The following COMT variants were observed in gnomAD, a reference collection of about 807,000 sequenced individuals.
The protein encoded by COMT is catechol O-methyltransferase.
Under a neutral mutation model 18.9 loss-of-function variants are expected in COMT, and 13 were observed. The ratio of observed to expected loss-of-function variants is 0.69; its 90% CI spans 0.45 to 1.09. The LOEUF (loss-of-function observed/expected upper bound fraction) is 1.09. Among genes scored for constraint, COMT ranks in the 50% least tolerant of loss-of-function variants. The pLI, the probability that COMT is intolerant of heterozygous loss-of-function variation, is 0.00. For synonymous variants in COMT, 150 were observed against 160.9 expected, an observed-to-expected ratio of 0.93 and a Z score of 0.51; for missense variants, 329 against 361.8, an observed-to-expected ratio of 0.91 and a Z score of 0.73.
chr22:19,952,433 A>G (rs568938820), intron 1 of COMT, among the ~76,000 whole-genome samples: 69 of 151,164 alleles, frequency 4.6e-4, no homozygotes, highest in Non-Finnish European at 7.7e-4. Context: ...AGGTCAGGAG[A>G]TCGAGACCAT....
chr22:19,964,640 G>A, intron 5 of COMT: 1 of 593,232 alleles, frequency 1.7e-6, no homozygotes, highest in Non-Finnish European at 3.0e-6. Context: ...GGGTGGGGAA[G>A]GGCCGCTCTG....
chr22:19,945,688 CAG>C (rs1293871400), intron 1 of COMT, among the ~76,000 whole-genome samples: 1 of 151,928 alleles, frequency 6.6e-6, no homozygotes, highest in East Asian at 1.9e-4. Flanking sequence ...TTTTTTGAGG[CAG>C]AGTCTCACTC....
chr22:19,966,176 T>G (rs886869117), intron 5 of COMT, among the ~76,000 whole-genome samples: 1 of 152,126 alleles, frequency 6.6e-6, no homozygotes, highest in African/African-American at 2.4e-5. Context: ...TGGGAATGGG[T>G]GTCCTTGTTA....
rs4986871 is a variant in COMT, at chr22:19,963,713, C to G, written c.437C>G (p.Ala146Gly). 1.2e-6 allele frequency: 2 copies of G among 1,612,860 alleles called. No homozygotes were observed. Among genetic ancestry groups the G allele is most frequent in the East Asian group, 4.5e-5 (2 of 44,884 alleles). ...ACCATCGAGATCAACCCCGACTGTG[C>G]CGCCATCACCCAGCGGATGGTGGAT... ...LITIEINPDC[A>G]AITQRMVDFA... The change falls in exon 4 of 6, where the codon GCC becomes GGC. Residue 146 changes from alanine (A) to glycine (G), a missense_variant. Ala to Gly is a moderately conservative substitution (Grantham distance 60, BLOSUM62 0). Transcript: ENST00000361682.
intron 5 of COMT, chr22:19,964,590 C>A (rs1446358560): frequency 3.3e-6 from 2 of 610,722 alleles, no homozygotes; most frequent in Non-Finnish European, 5.8e-6. Context: ...ACACCCCAGA[C>A]CAGACACCAG....
intron 5 of COMT, chr22:19,964,746 C>A (rs1019494376): frequency 1.4e-5 from 6 of 438,558 alleles, no homozygotes; most frequent in African/African-American, 1.2e-4. Flanking sequence ...CTTGTGCATT[C>A]CCCCAACCCA....
At chr22:19,956,200 A>G (rs1245479195) in intron 1 of COMT, among the ~76,000 whole-genome samples, 2 of 117,406 alleles carry the variant, frequency 1.7e-5, no homozygotes. Flanking sequence ...GCTGGAGTGC[A>G]GTGGTGTGAT....
Position 19,953,983 on chromosome 22 carries a change from G to A in COMT, c.-91-7216G>A, listed in dbSNP as rs565934440. Among the ~76,000 whole-genome samples the A allele has an allele frequency of 5.9e-4, 90 of 152,238 alleles. 1 individual carries two copies. The Middle Eastern group carries it at 0.024, about 40-fold the overall frequency. The stretch of plus-strand genomic sequence containing the variant: ...CATGGAAGGGAGGGGAGGGGGCCCC[G>A]ACGGGGCCACAGTAAAGGAGTGGAG... On this transcript the variant is annotated intron_variant, in intron 1 of 5. Coordinates refer to ENST00000361682, the MANE Select transcript of COMT (RefSeq NM_000754.4).
Position 19,969,699 on chromosome 22 carries a change from C to T in COMT, c.*963C>T. 1 of 404,412 alleles carries T rather than the reference C, an allele frequency of 2.5e-6. No homozygotes were observed. The highest frequency in any genetic ancestry group is 3.3e-6 in the Non-Finnish European group (1 of 299,130). 25.1% of individuals were successfully genotyped at this position (404,412 alleles called of 1,614,324 possible). A position where few individuals can be genotyped will look rare whatever the true frequency, so the allele number is the denominator to read the frequency against. On this transcript the variant is annotated 3_prime_UTR_variant, in exon 6 of 6. Coordinates refer to ENST00000361682, the MANE Select transcript of COMT (RefSeq NM_000754.4). ...TGGCTAGCCCCCAGCCAGCCCACTC[C>T]TATGGATAGACAGACCAGTGAGCCC...
rs749822167 is a variant in COMT, at chr22:19,968,866, C to T, written c.*130C>T. On this transcript the variant is annotated 3_prime_UTR_variant, in exon 6 of 6. Coordinates refer to ENST00000361682, the MANE Select transcript of COMT (RefSeq NM_000754.4). ...CAAAGCACACCTCGGCCGAGGCCTG[C>T]GCCCTGACATGCTAACCTCTCTGAA... 1.2e-3 allele frequency: 979 copies of T among 820,734 alleles called. No homozygotes were observed. The highest frequency in any genetic ancestry group is 5.5e-3 in the Middle Eastern group (16 of 2,920). 50.8% of individuals were successfully genotyped at this position (820,734 alleles called of 1,614,324 possible). A position where few individuals can be genotyped will look rare whatever the true frequency, so the allele number is the denominator to read the frequency against.
chr22:19,966,833 G>A (rs749105052), intron 5 of COMT: 6 of 640,332 alleles, frequency 9.4e-6, no homozygotes, highest in Non-Finnish European at 1.2e-5. Flanking sequence ...CAACCTCTGT[G>A]AGGCTCCAAC....
intron 1 of COMT, among the ~76,000 whole-genome samples, chr22:19,943,877 G>C (rs1385085853): frequency 7.2e-6 from 1 of 138,584 alleles, no homozygotes; most frequent in East Asian, 2.3e-4. Context: ...TTTCTGGAGA[G>C]AGCATGTGGC....
At chr22:19,967,655 C>A (rs902282544) in intron 5 of COMT, 9 of 295,696 alleles carry the variant, frequency 3.0e-5, no homozygotes, top group Admixed American at 2.9e-4. Flanking sequence ...TTTCAAGGCA[C>A]CTGCCTGCAA....
intron 1 of COMT, among the ~76,000 whole-genome samples, chr22:19,956,759 A>C (rs2146148982): frequency 6.6e-6 from 1 of 152,020 alleles, no homozygotes; most frequent in East Asian, 1.9e-4. Context: ...AATTTCTTAT[A>C]GAGACAGGGT....
chr22:19,969,035 CTT>C lies in COMT; in HGVS notation c.*300_*301del. On this transcript the variant is annotated 3_prime_UTR_variant, in exon 6 of 6. Coordinates refer to ENST00000361682, the MANE Select transcript of COMT (RefSeq NM_000754.4). ...ATCTAAATATTTAGATATAACTCGACTTAGTACATCCTTCTCAACTGCCATTC... is the reference window on the plus strand; with the variant it reads ...ATCTAAATATTTAGATATAACTCGACAGTACATCCTTCTCAACTGCCATTC... 3.5e-6 allele frequency: 1 copy of C among 284,500 alleles called. No homozygotes were observed. The highest frequency in any genetic ancestry group is 6.8e-6 in the Non-Finnish European group (1 of 146,138). The allele number at this position is 284,500 out of a possible 1,614,324, so 17.6% of individuals were successfully genotyped here. A position where few individuals can be genotyped will look rare whatever the true frequency, so the allele number is the denominator to read the frequency against.
At position 19,941,777 on chromosome 22, in the gene COMT, C is replaced by T; in HGVS notation, c.-212C>T. On this transcript the variant is annotated 5_prime_UTR_variant, in exon 1 of 6. Coordinates refer to ENST00000361682, the MANE Select transcript of COMT (RefSeq NM_000754.4). ...GCCACCGGAAGCGCCCTCCTAATCC[C>T]CGCAGCGCCACCGCCATTGCCGCCA... The T allele has an allele frequency of 6.5e-7, 1 of 1,527,872 alleles. No individual in the cohort carries two copies. The highest frequency in any genetic ancestry group is 8.7e-7 in the Non-Finnish European group (1 of 1,147,518). 94.6% of individuals were successfully genotyped at this position (1,527,872 alleles called of 1,614,324 possible). A position where few individuals can be genotyped will look rare whatever the true frequency, so the allele number is the denominator to read the frequency against.
At position 19,956,299 on chromosome 22, in the gene COMT, G is replaced by A. The variant is rs563674397; in HGVS notation, c.-91-4900G>A. Among the ~76,000 whole-genome samples, 21 of 145,798 alleles carry A rather than the reference G, an allele frequency of 1.4e-4. No individual in the cohort carries two copies. The South Asian group carries it at 2.2e-3, about 15-fold the overall frequency. ...CAGGACTACAGGCACACACCACCAC[G>A]CCCAGCTAATTTTTGTTATTTTTAG... On this transcript the variant is annotated intron_variant, in intron 1 of 5. Transcript: ENST00000361682.
Position 19,969,712 on chromosome 22 carries a change from G to A in COMT, c.*976G>A, listed in dbSNP as rs1429312322. 2.0e-6 allele frequency: 1 copy of A among 488,594 alleles called. No individual in the cohort carries two copies. The highest frequency in any genetic ancestry group is 2.7e-6 in the Non-Finnish European group (1 of 376,378). 30.3% of individuals were successfully genotyped at this position (488,594 alleles called of 1,614,324 possible). On this transcript the variant is annotated 3_prime_UTR_variant, in exon 6 of 6. Transcript: ENST00000361682. ...GCCAGCCCACTCCTATGGATAGACAGACCAGTGAGCCCAAGTGGACAAGTT... is the reference window on the plus strand; with the variant it reads ...GCCAGCCCACTCCTATGGATAGACAAACCAGTGAGCCCAAGTGGACAAGTT...
intron 5 of COMT, chr22:19,965,186 C>T (rs1942323083): frequency 6.5e-6 from 1 of 154,184 alleles, no homozygotes; most frequent in African/African-American, 2.4e-5. Context: ...TCAGGGCACA[C>T]AGGACTTTGG....
Sources: gnomAD v4.1 joint callset for allele counts (sites outside exome capture counted in the v4.1 genomes callset) on GRCh38, gnomAD v4.1.1 for gene constraint, MANE v1.5 for transcripts, NCBI Gene and HGNC (gene_info 2026-07-23, HGNC 2026-07-21) for gene names.